Variants in GMDS observed in about 807,000 individuals in gnomAD.
GMDS encodes the protein GDP-mannose 4,6-dehydratase.
GMDS carries 20 observed loss-of-function variants against 49.9 expected under a neutral mutation model. That is an observed-to-expected ratio of 0.40 (90% CI 0.28 to 0.58). The LOEUF (loss-of-function observed/expected upper bound fraction) is 0.58. Ranked by LOEUF, GMDS falls within the 20% of genes least tolerant of loss-of-function variation. The pLI is 0.42. For synonymous variants in GMDS, 177 were observed against 178.6 expected, an observed-to-expected ratio of 0.99 and a Z score of 0.07; for missense variants, 362 against 481.4, an observed-to-expected ratio of 0.75 and a Z score of 2.32.
intron 6 of GMDS, among the ~76,000 whole-genome samples, chr6:1,941,230 G>C (rs568390860): frequency 6.6e-6 from 1 of 152,092 alleles, no homozygotes; most frequent in Non-Finnish European, 1.5e-5. Context: ...TCCAACGAGG[G>C]TCTAGGCTGA....
chr6:2,105,265 ACAG>A (rs1774178188), intron 4 of GMDS, among the ~76,000 whole-genome samples: 1 of 152,134 alleles, frequency 6.6e-6, no homozygotes, highest in South Asian at 2.1e-4. Flanking sequence ...TGCAAAGCAA[ACAG>A]ATGAAAAAAT....
intron 4 of GMDS, among the ~76,000 whole-genome samples, chr6:2,030,868 C>T (rs1384330713): frequency 6.6e-6 from 1 of 152,094 alleles, no homozygotes; most frequent in African/African-American, 2.4e-5. Flanking sequence ...TGTGAAAAAG[C>T]CTAGAACACA....
intron 7 of GMDS, among the ~76,000 whole-genome samples, chr6:1,913,940 A>G (rs1353065017): frequency 6.6e-6 from 1 of 152,192 alleles, no homozygotes; most frequent in East Asian, 1.9e-4. Context: ...CATCTACATC[A>G]GTGAGTGGAT....
intron 4 of GMDS, among the ~76,000 whole-genome samples, chr6:2,102,395 T>C (rs1209656940): frequency 2.0e-5 from 3 of 152,226 alleles, no homozygotes; most frequent in Non-Finnish European, 2.9e-5. Flanking sequence ...AATATGCTGG[T>C]TTTTAAAAAA....
intron 4 of GMDS, among the ~76,000 whole-genome samples, chr6:2,005,677 G>A (rs1437102778): frequency 1.3e-5 from 2 of 152,120 alleles, no homozygotes; most frequent in African/African-American, 4.8e-5. Flanking sequence ...TACACCCAGT[G>A]TGTTCGACCT....
At chr6:2,110,372 CTTAGGTAA>C (rs1041009106) in intron 4 of GMDS, among the ~76,000 whole-genome samples, 2 of 152,054 alleles carry the variant, frequency 1.3e-5, no homozygotes, top group Non-Finnish European at 2.9e-5. Context: ...AGTTCTTTAG[CTTAGGTAA>C]TTCAGTTTCT....
At chr6:1,889,333 C>T (rs1164353911) in intron 7 of GMDS, among the ~76,000 whole-genome samples, 1 of 152,166 alleles carries the variant, frequency 6.6e-6, no homozygotes, top group Non-Finnish European at 1.5e-5. Flanking sequence ...TCTTCCTTCA[C>T]TTTCGTTATT....
At chr6:1,652,169 C>T (rs1040044069) in intron 9 of GMDS, among the ~76,000 whole-genome samples, 3 of 149,262 alleles carry the variant, frequency 2.0e-5, no homozygotes, top group Admixed American at 6.8e-5. Flanking sequence ...GTCAAGAGTT[C>T]GAGACCAGCC....
chr6:2,060,881 G>A (rs994219835), intron 4 of GMDS, among the ~76,000 whole-genome samples: 40 of 152,160 alleles, frequency 2.6e-4, no homozygotes, highest in African/African-American at 7.2e-4. Context: ...TTAGCCGGGC[G>A]TAGTGGCAGG....
Position 2,191,625 on chromosome 6 carries a change from G to A in GMDS, c.102+53696C>T, listed in dbSNP as rs1779023110. On this transcript the variant is annotated intron_variant, in intron 1 of 10. Coordinates refer to ENST00000380815, the MANE Select transcript of GMDS (RefSeq NM_001500.4). The surrounding 1 kb of genome is among the most constrained non-coding windows in gnomAD (Gnocchi z 4.6). ...GATCTCCGAATGGGGTTGGGGCCAAGCCGGGGAGCTGTCACAGCCCAGCCA... is the reference window on the plus strand; with the variant it reads ...GATCTCCGAATGGGGTTGGGGCCAAACCGGGGAGCTGTCACAGCCCAGCCA... 6.6e-6 allele frequency among the ~76,000 whole-genome samples: 1 copy of A among 152,228 alleles called. No homozygotes were observed. Among genetic ancestry groups the A allele is most frequent in the Admixed American group, 6.5e-5 (1 of 15,290 alleles).
intron 9 of GMDS, among the ~76,000 whole-genome samples, chr6:1,710,122 C>T (rs187708276): frequency 9.8e-5 from 15 of 152,296 alleles, no homozygotes; most frequent in South Asian, 6.2e-4. Flanking sequence ...TACAGCTGTA[C>T]GCTTCCCAAG....
Position 1,671,152 on chromosome 6 carries a change from C to T in GMDS, c.988-46612G>A, listed in dbSNP as rs539035426. ...AAGGCCACAGAACAATGTAACTGCT[C>T]CAAGTGTCAATCAGCGGCACTGAGC... On this transcript the variant is annotated intron_variant, in intron 9 of 10. Coordinates refer to ENST00000380815, the MANE Select transcript of GMDS (RefSeq NM_001500.4). Among the ~76,000 whole-genome samples the T allele has an allele frequency of 2.0e-3, 309 of 152,286 alleles. 3 individuals carry two copies. Among genetic ancestry groups the T allele is most frequent in the Non-Finnish European group, 3.8e-3 (258 of 68,034 alleles).
At chr6:1,960,018 A>G in intron 5 of GMDS, 47 bp from the exon 6 acceptor site, 1 of 1,114,436 alleles carries the variant, frequency 9.0e-7, no homozygotes, top group Non-Finnish European at 1.3e-6. Flanking sequence ...TGTAAAAGAC[A>G]GTGATTCTCA....
At chr6:1,840,740 C>T (rs1262434921) in intron 7 of GMDS, among the ~76,000 whole-genome samples, 1 of 152,082 alleles carries the variant, frequency 6.6e-6, no homozygotes, top group African/African-American at 2.4e-5. Flanking sequence ...CCTGCTTTCT[C>T]AAAGGAGCCA....
chr6:2,145,790 G>A (rs890047900), intron 1 of GMDS, among the ~76,000 whole-genome samples: 2 of 152,194 alleles, frequency 1.3e-5, no homozygotes, highest in Non-Finnish European at 2.9e-5. Flanking sequence ...CTACTTAGGA[G>A]GCTGAGACAA....
intron 1 of GMDS, among the ~76,000 whole-genome samples, chr6:2,188,866 A>G (rs556373999): frequency 6.6e-6 from 1 of 152,312 alleles, no homozygotes; most frequent in African/African-American, 2.4e-5. Flanking sequence ...CAGAAACAAC[A>G]AGGTGGGCCC....
chr6:1,807,711 A>ACC (rs2113672679), intron 7 of GMDS, among the ~76,000 whole-genome samples: 1 of 152,332 alleles, frequency 6.6e-6, no homozygotes, highest in African/African-American at 2.4e-5. Context: ...GAAAGTAATT[A>ACC]ATCTCCATCC....
intron 7 of GMDS, among the ~76,000 whole-genome samples, chr6:1,876,876 A>G (rs1445472850): frequency 6.6e-6 from 1 of 152,214 alleles, no homozygotes; most frequent in Non-Finnish European, 1.5e-5. Context: ...CCCTTCCTAC[A>G]GTGGACAAAC....
chr6:1,905,260 G>T (rs1760699771), intron 7 of GMDS, among the ~76,000 whole-genome samples: 1 of 152,296 alleles, frequency 6.6e-6, no homozygotes, highest in Admixed American at 6.5e-5. Flanking sequence ...GTCATTAGAG[G>T]TGGGGCCTCA....
Sources: gnomAD v4.1 joint callset for allele counts (sites outside exome capture counted in the v4.1 genomes callset) on GRCh38, gnomAD v4.1.1 for gene constraint, Gnocchi (gnomAD v3.1) non-coding constraint, MANE v1.5 for transcripts, NCBI Gene and HGNC (gene_info 2026-07-23, HGNC 2026-07-21) for gene names.